Variants in MAP2K4 observed in about 807,000 individuals in gnomAD.
The protein encoded by MAP2K4 is mitogen-activated protein kinase kinase 4, also known as dual specificity mitogen-activated protein kinase kinase 4.
In MAP2K4, 4 loss-of-function variants were observed where a neutral mutation model predicts 48.5. That is an observed-to-expected ratio of 0.08 (90% CI 0.04 to 0.19). The LOEUF is 0.19. MAP2K4 is among the 10% of genes least tolerant of loss of function. MAP2K4 has a pLI of 1.00. For missense variants in MAP2K4, 258 were observed against 493.3 expected, an observed-to-expected ratio of 0.52 and a Z score of 4.52; for synonymous variants, 166 against 173.1, an observed-to-expected ratio of 0.96 and a Z score of 0.32.
At chr17:12,061,465 GA>G (rs1230785607) in intron 2 of MAP2K4, among the ~76,000 whole-genome samples, 2 of 152,188 alleles carry the variant, frequency 1.3e-5, no homozygotes, top group Non-Finnish European at 2.9e-5. Context: ...AGGAGTGGTA[GA>G]ACTGATTTTC....
intron 2 of MAP2K4, among the ~76,000 whole-genome samples, chr17:12,059,641 T>C (rs1451757469): frequency 6.6e-6 from 1 of 152,216 alleles, no homozygotes; most frequent in Admixed American, 6.5e-5. Context: ...GTGCTCTCTT[T>C]AGACCAGAGG....
At chr17:12,111,885 G>A (rs995363908) in intron 6 of MAP2K4, among the ~76,000 whole-genome samples, 2 of 152,068 alleles carry the variant, frequency 1.3e-5, no homozygotes, top group East Asian at 3.9e-4. Flanking sequence ...TGTCCTCAGG[G>A]TAGTAACAAC....
At chr17:12,108,559 A>T (rs1163535974) in intron 5 of MAP2K4, among the ~76,000 whole-genome samples, 1 of 126,244 alleles carries the variant, frequency 7.9e-6, no homozygotes, top group African/African-American at 2.8e-5. Flanking sequence ...CTGAATCTTA[A>T]TTTTTTTTCC....
intron 2 of MAP2K4, among the ~76,000 whole-genome samples, chr17:12,077,877 A>G (rs895603178): frequency 6.6e-5 from 10 of 152,278 alleles, no homozygotes; most frequent in Middle Eastern, 3.4e-3. Flanking sequence ...GCCTTGGTTT[A>G]TAGGTGGCCA....
intron 9 of MAP2K4, among the ~76,000 whole-genome samples, chr17:12,129,937 C>T (rs1212301487): frequency 6.6e-6 from 1 of 152,094 alleles, no homozygotes; most frequent in Non-Finnish European, 1.5e-5. Context: ...ATGCTTTATA[C>T]TGTTTTAGGC....
At chr17:12,069,884 A>T (rs1387886279) in intron 2 of MAP2K4, 1 of 285,390 alleles carries the variant, frequency 3.5e-6, no homozygotes, top group Non-Finnish European at 6.5e-6. Context: ...TCTAAGGAAG[A>T]TTAGTCATAT....
At chr17:12,086,536 A>T (rs931692795) in intron 3 of MAP2K4, among the ~76,000 whole-genome samples, 1 of 152,174 alleles carries the variant, frequency 6.6e-6, no homozygotes, top group African/African-American at 2.4e-5. Context: ...CAACCCAAGA[A>T]ATAAAACAGC....
chr17:12,119,582 T>C (rs1271313227), intron 7 of MAP2K4, among the ~76,000 whole-genome samples: 1 of 152,230 alleles, frequency 6.6e-6, no homozygotes, highest in Non-Finnish European at 1.5e-5. Context: ...GTGTGGTGAT[T>C]CCTCAAAAAG....
At chr17:12,122,697 A>G (rs931789389) in intron 7 of MAP2K4, among the ~76,000 whole-genome samples, 6 of 152,140 alleles carry the variant, frequency 3.9e-5, no homozygotes, top group Admixed American at 2.6e-4. Context: ...TAGTAGGCAT[A>G]TTTGCCTTAT....
intron 2 of MAP2K4, among the ~76,000 whole-genome samples, chr17:12,077,432 A>G (rs1971048036): frequency 6.6e-6 from 1 of 152,250 alleles, no homozygotes; most frequent in Non-Finnish European, 1.5e-5. Flanking sequence ...GATAGGAACA[A>G]ATAGTGGCTT....
chr17:12,072,413 T>C (rs1970847156), intron 2 of MAP2K4, among the ~76,000 whole-genome samples: 1 of 152,218 alleles, frequency 6.6e-6, no homozygotes, highest in Admixed American at 6.5e-5. Flanking sequence ...TCTGTGACCA[T>C]GTATATTCTG....
At chr17:12,107,476 T>C (rs964971021) in intron 4 of MAP2K4, among the ~76,000 whole-genome samples, 5 of 151,114 alleles carry the variant, frequency 3.3e-5, no homozygotes, top group African/African-American at 7.3e-5. Flanking sequence ...AATGGTTTTC[T>C]ACACATTTCC....
Position 12,081,292 on chromosome 17 carries a change from A to T in MAP2K4, c.219-64A>T. On this transcript the variant is annotated intron_variant, in intron 2 of 10. Coordinates refer to ENST00000353533, the MANE Select transcript of MAP2K4 (RefSeq NM_003010.4). The surrounding 1 kb of genome is among the most constrained non-coding windows in gnomAD (Gnocchi z 4.2). ...ACATTTTTCCCACACATTAATCAGT[A>T]CTAAAAGAAAAAAGTTAAAACCTAT... 7.6e-7 allele frequency: 1 copy of T among 1,307,266 alleles called. No individual in the cohort carries two copies. Among genetic ancestry groups the T allele is most frequent in the Non-Finnish European group, 1.1e-6 (1 of 936,512 alleles). The allele number at this position is 1,307,266 out of a possible 1,614,324, so 81.0% of individuals were successfully genotyped here. A position where few individuals can be genotyped will look rare whatever the true frequency, so the allele number is the denominator to read the frequency against.
At chr17:12,140,934 T>C (rs1172114134) in intron 10 of MAP2K4, among the ~76,000 whole-genome samples, 1 of 152,190 alleles carries the variant, frequency 6.6e-6, no homozygotes, top group East Asian at 1.9e-4. Context: ...TTCAGATCAT[T>C]ACCACGTATC....
intron 1 of MAP2K4, among the ~76,000 whole-genome samples, chr17:12,042,734 G>A (rs541741835): frequency 2.0e-5 from 3 of 152,160 alleles, no homozygotes; most frequent in South Asian, 4.1e-4. Context: ...TGATGTGGAC[G>A]TACACACTCT....
At chr17:12,114,533 G>A (rs972809914) in intron 7 of MAP2K4, among the ~76,000 whole-genome samples, 5 of 151,918 alleles carry the variant, frequency 3.3e-5, no homozygotes, top group Non-Finnish European at 7.4e-5. Context: ...GATAACTAGG[G>A]ATAAATGGCA....
chr17:12,123,387 C>T (rs1378729903), intron 7 of MAP2K4, among the ~76,000 whole-genome samples: 1 of 152,000 alleles, frequency 6.6e-6, no homozygotes, highest in East Asian at 1.9e-4. Flanking sequence ...GTAGTAATGG[C>T]CCCTCTTTCA....
chr17:12,086,059 C>T (rs901726940), intron 3 of MAP2K4, among the ~76,000 whole-genome samples: 2 of 152,122 alleles, frequency 1.3e-5, no homozygotes, highest in Non-Finnish European at 2.9e-5. Context: ...GGATGGCCTT[C>T]AATTGGAAAA....
chr17:12,131,212 G>A (rs1256967945), intron 9 of MAP2K4, among the ~76,000 whole-genome samples: 2 of 147,934 alleles, frequency 1.4e-5, no homozygotes. Flanking sequence ...TCTGGACTTA[G>A]TTTATTGCTC....
Sources: gnomAD v4.1 joint callset for allele counts (sites outside exome capture counted in the v4.1 genomes callset) on GRCh38, gnomAD v4.1.1 for gene constraint, Gnocchi (gnomAD v3.1) non-coding constraint, MANE v1.5 for transcripts, NCBI Gene and HGNC (gene_info 2026-07-23, HGNC 2026-07-21) for gene names.